The following PRDM16 variants were observed in gnomAD, a reference collection of about 807,000 sequenced individuals.
The protein encoded by PRDM16 is histone-lysine N-methyltransferase PRDM16.
Under a neutral mutation model 110.6 loss-of-function variants are expected in PRDM16, and 23 were observed. The observed-to-expected ratio is 0.21, with a 90% CI of 0.15 to 0.29. PRDM16 has a LOEUF of 0.29. Ranked by LOEUF, PRDM16 falls within the 10% of genes least tolerant of loss-of-function variation. PRDM16 has a pLI of 1.00. For synonymous variants in PRDM16, 799 were observed against 781.8 expected (o/e 1.02, Z -0.37); for missense variants, 1,615 against 1,794.3 (o/e 0.90, Z 1.81).
chr1:3,146,074 A>G (rs894382590), intron 1 of PRDM16, among the ~76,000 whole-genome samples: 3 of 152,346 alleles, frequency 2.0e-5, no homozygotes, highest in African/African-American at 4.8e-5. Context: ...TTGGCCGAGC[A>G]GGAAAACATT....
At position 3,438,416 on chromosome 1, in the gene PRDM16, AAG is replaced by A. The variant is rs1164805546; in HGVS notation, c.*4607_*4608del. Reference sequence around the variant, plus strand: ...GACGTGAAGTGTAGGAAATCATGAAAAGAACAATTTTGCAAATTGCATTCTGA... The same window carrying A: ...GACGTGAAGTGTAGGAAATCATGAAAAACAATTTTGCAAATTGCATTCTGA... On this transcript the variant is annotated 3_prime_UTR_variant, in exon 17 of 17. Coordinates refer to ENST00000270722, the MANE Select transcript of PRDM16 (RefSeq NM_022114.4). 4.9e-6 allele frequency: 1 copy of A among 203,756 alleles called. No homozygotes were observed. Among genetic ancestry groups the A allele is most frequent in the Non-Finnish European group, 1.0e-5 (1 of 99,480 alleles). 12.6% of individuals were successfully genotyped at this position (203,756 alleles called of 1,614,324 possible).
intron 3 of PRDM16, among the ~76,000 whole-genome samples, chr1:3,256,441 C>T (rs556055713): frequency 3.9e-5 from 6 of 152,180 alleles, no homozygotes; most frequent in Non-Finnish European, 8.8e-5. Flanking sequence ...TCTATTGTAA[C>T]AAGAGTATCA....
intron 1 of PRDM16, among the ~76,000 whole-genome samples, chr1:3,105,869 C>G (rs1171541621): frequency 6.6e-6 from 1 of 150,616 alleles, no homozygotes; most frequent in African/African-American, 2.5e-5. Context: ...GCAGCTAGGC[C>G]AGGCCGGCCA....
At chr1:3,103,953 A>T (rs1642589272) in intron 1 of PRDM16, among the ~76,000 whole-genome samples, 1 of 152,234 alleles carries the variant, frequency 6.6e-6, no homozygotes, top group African/African-American at 2.4e-5. Context: ...CTACCCTGGG[A>T]GTTAACGGTT....
rs1642889735 is a variant in PRDM16 at position 3,370,670 on chromosome 1, G to A, written c.439-14482G>A. Reference sequence around the variant, plus strand: ...TGAGGGACCAGGGCAGGCTTCCCAGGAGAGGTGTCCTGTGCTCTGCCACCA... The same window carrying A: ...TGAGGGACCAGGGCAGGCTTCCCAGAAGAGGTGTCCTGTGCTCTGCCACCA... On this transcript the variant is annotated intron_variant, in intron 3 of 16. Coordinates refer to ENST00000270722, the MANE Select transcript of PRDM16 (RefSeq NM_022114.4). The surrounding 1 kb of genome is among the most constrained non-coding windows in gnomAD (Gnocchi z 4.8). 1.3e-5 allele frequency among the ~76,000 whole-genome samples: 2 copies of A among 152,150 alleles called. No homozygotes were observed. The highest frequency in any genetic ancestry group is 4.8e-5 in the African/African-American group (2 of 41,428).
At chr1:3,294,177 C>T (rs538458198) in intron 3 of PRDM16, among the ~76,000 whole-genome samples, 2 of 151,988 alleles carry the variant, frequency 1.3e-5, no homozygotes, top group African/African-American at 2.4e-5. Flanking sequence ...GGTAAACAGG[C>T]GAAACCTAGA....
At chr1:3,135,376 C>G (rs542235753) in intron 1 of PRDM16, among the ~76,000 whole-genome samples, 2 of 152,306 alleles carry the variant, frequency 1.3e-5, no homozygotes, top group South Asian at 4.1e-4. Context: ...ACGGGCCCGA[C>G]ATTTTCTCAA....
intron 12 of PRDM16, among the ~76,000 whole-genome samples, chr1:3,424,204 T>TC (rs1485145396): frequency 6.6e-6 from 1 of 151,992 alleles, no homozygotes; most frequent in African/African-American, 2.4e-5. Context: ...CATCCCCAGC[T>TC]CCCCCTCTTC....
In PRDM16 at chr1:3,249,531, C is replaced by T. The variant is rs569911072; in HGVS notation, c.438+5394C>T. The stretch of plus-strand genomic sequence containing the variant: ...CTAAACTGCAGTTTACCTACCCATG[C>T]ACTTTATTACCAAAAAAGAAAAAAA... On this transcript the variant is annotated intron_variant, in intron 3 of 16. Coordinates refer to ENST00000270722, the MANE Select transcript of PRDM16 (RefSeq NM_022114.4). 2.3e-4 allele frequency among the ~76,000 whole-genome samples: 32 copies of T among 141,592 alleles called. 4 individuals are homozygous for T. The South Asian group carries it at 7.4e-3, about 33-fold the overall frequency. 92.9% of individuals were successfully genotyped at this position (141,592 alleles called of 152,430 possible). A position where few individuals can be genotyped will look rare whatever the true frequency, so the allele number is the denominator to read the frequency against.
intron 3 of PRDM16, among the ~76,000 whole-genome samples, chr1:3,279,905 G>A (rs1377137618): frequency 2.7e-5 from 4 of 150,258 alleles, no homozygotes; most frequent in African/African-American, 9.8e-5. Context: ...ACCAATGTGG[G>A]TCCACACCAT....
At chr1:3,280,619 C>G (rs568149635) in intron 3 of PRDM16, among the ~76,000 whole-genome samples, 59 of 152,352 alleles carry the variant, frequency 3.9e-4, no homozygotes, top group African/African-American at 1.4e-3. Context: ...CCTCTCACCC[C>G]AGCAAGGTCT....
chr1:3,350,019 C>T lies in PRDM16; in HGVS notation c.439-35133C>T, dbSNP rs902550701. On this transcript the variant is annotated intron_variant, in intron 3 of 16. Coordinates refer to ENST00000270722, the MANE Select transcript of PRDM16 (RefSeq NM_022114.4). This position sits in a 1 kb window ranked among gnomAD's most constrained non-coding sequence, Gnocchi z 7.1. ...TCAGAGGCCTGGACCTGACTCCTGT[C>T]TTTGAGGGGGGAAGAGGACAGGGCA... is the stretch of plus-strand genomic sequence containing the variant. Among the ~76,000 whole-genome samples, 1 of 152,148 alleles carries T rather than the reference C, an allele frequency of 6.6e-6. No individual in the cohort carries two copies. The highest frequency in any genetic ancestry group is 1.5e-5 in the Non-Finnish European group (1 of 68,040).
intron 3 of PRDM16, among the ~76,000 whole-genome samples, chr1:3,315,739 T>C (rs1225724125): frequency 6.6e-6 from 1 of 152,126 alleles, no homozygotes. Context: ...TTCAAAGAGC[T>C]CCAATTTAGA....
chr1:3,400,045 G>C (rs1643441663), intron 5 of PRDM16, among the ~76,000 whole-genome samples: 2 of 152,172 alleles, frequency 1.3e-5, no homozygotes, highest in Admixed American at 6.5e-5. Context: ...GGCCTGAGAG[G>C]GGGTGATGGT....
Position 3,402,837 on chromosome 1 carries a change from C to A in PRDM16, c.723C>A (p.Ser241=). The change falls in exon 6 of 17, where the codon TCC becomes TCA. Residue 241 remains serine, a synonymous_variant. Transcript: ENST00000270722. ...RCDECDELFQ[S]KLDLRRHKKY... ...ACGAGTGTGACGAACTCTTCCAGTC[C>A]AAGCTGGACCTGCGGCGCCATAAGA... The A allele has an allele frequency of 6.2e-7, 1 of 1,613,082 alleles. No homozygotes were observed. Among genetic ancestry groups the A allele is most frequent in the Non-Finnish European group, 8.5e-7 (1 of 1,179,966 alleles).
chr1:3,436,902 C>T lies in PRDM16; in HGVS notation c.*3091C>T, dbSNP rs968772357. 2.6e-5 allele frequency: 6 copies of T among 232,146 alleles called. No homozygotes were observed. Among genetic ancestry groups the T allele is most frequent in the Admixed American group, 1.1e-4 (2 of 17,734 alleles). 14.4% of individuals were successfully genotyped at this position (232,146 alleles called of 1,614,324 possible). ...CAATGCTAACTCCTTGGATTGTCAA[C>T]CCCCATCCCCCAAATGGAAATTCCG... is the stretch of plus-strand genomic sequence containing the variant. On this transcript the variant is annotated 3_prime_UTR_variant, in exon 17 of 17. Coordinates refer to ENST00000270722, the MANE Select transcript of PRDM16 (RefSeq NM_022114.4).
At chr1:3,310,520 C>T (rs1641425471) in intron 3 of PRDM16, among the ~76,000 whole-genome samples, 1 of 152,130 alleles carries the variant, frequency 6.6e-6, no homozygotes, top group Non-Finnish European at 1.5e-5. Context: ...CAGCCAAGCT[C>T]CACTTGGGGA....
intron 1 of PRDM16, among the ~76,000 whole-genome samples, chr1:3,094,310 G>T (rs1488701093): frequency 1.3e-5 from 2 of 152,236 alleles, no homozygotes; most frequent in East Asian, 3.9e-4. Flanking sequence ...GCACCCCTTG[G>T]GCAGCCACGG....
In PRDM16 at chr1:3,246,770, C is replaced by T. The variant is rs1231168361; in HGVS notation, c.438+2633C>T. Among the ~76,000 whole-genome samples, 1 of 152,170 alleles carries T rather than the reference C, an allele frequency of 6.6e-6. No homozygotes were observed. Among genetic ancestry groups the T allele is most frequent in the African/African-American group, 2.4e-5 (1 of 41,428 alleles). On this transcript the variant is annotated intron_variant, in intron 3 of 16. Transcript: ENST00000270722. This position sits in a 1 kb window ranked among gnomAD's most constrained non-coding sequence, Gnocchi z 5.2. ...CAGATCCCTAACCCCAGGGCTCAGACTGGACCCGTTCAGTTACATTTCTAG... is the reference window on the plus strand; with the variant it reads ...CAGATCCCTAACCCCAGGGCTCAGATTGGACCCGTTCAGTTACATTTCTAG...
Sources: gnomAD v4.1 joint callset for allele counts (sites outside exome capture counted in the v4.1 genomes callset) on GRCh38, gnomAD v4.1.1 for gene constraint, Gnocchi (gnomAD v3.1) non-coding constraint, MANE v1.5 for transcripts, NCBI Gene and HGNC (gene_info 2026-07-23, HGNC 2026-07-21) for gene names.